GLDC: variants seen among roughly 807,000 people sequenced by gnomAD.
The protein encoded by GLDC is glycine decarboxylase.
A neutral mutation model predicts 121.3 loss-of-function variants in GLDC; 104 were observed. That is an observed-to-expected ratio of 0.86 (90% CI 0.73 to 1.01). GLDC has a LOEUF of 1.01. Among genes scored for constraint, GLDC ranks in the 50% least tolerant of loss-of-function variants. The pLI is 0.00. For missense variants in GLDC, 1,429 were observed against 1,306.6 expected, an observed-to-expected ratio of 1.09 and a Z score of -1.44; for synonymous variants, 546 against 480.6, an observed-to-expected ratio of 1.14 and a Z score of -1.78.
chr9:6,632,313 T>G (rs567580004), intron 2 of GLDC, among the ~76,000 whole-genome samples: 190 of 152,298 alleles, frequency 1.2e-3, no homozygotes, highest in African/African-American at 4.5e-3. Context: ...CAGAGAAACA[T>G]TTATCAGTGG....
intron 24 of GLDC, among the ~76,000 whole-genome samples, chr9:6,533,798 TG>T (rs1817051323): frequency 6.6e-6 from 1 of 150,692 alleles, no homozygotes; most frequent in Non-Finnish European, 1.5e-5. Flanking sequence ...GCAGAGGTTG[TG>T]GTGAGCCGAG....
chr9:6,622,388 C>G (rs1477947365), intron 2 of GLDC, among the ~76,000 whole-genome samples: 2 of 142,548 alleles, frequency 1.4e-5, no homozygotes, highest in Admixed American at 6.9e-5. Context: ...ATTGCAGGCA[C>G]GCGCCGCCAC....
intron 15 of GLDC, among the ~76,000 whole-genome samples, chr9:6,573,997 TAAAATC>T (rs1818014624): frequency 6.6e-6 from 1 of 152,212 alleles, no homozygotes. Context: ...TCTATGGATT[TAAAATC>T]AAAACCCCTC....
intron 2 of GLDC, among the ~76,000 whole-genome samples, chr9:6,626,873 C>T (rs1394265698): frequency 2.0e-5 from 3 of 152,162 alleles, no homozygotes; most frequent in Non-Finnish European, 4.4e-5. Context: ...AGAGAAGATG[C>T]CACATTAGAC....
intron 2 of GLDC, among the ~76,000 whole-genome samples, chr9:6,636,911 C>T (rs1484639212): frequency 6.6e-6 from 1 of 151,462 alleles, no homozygotes; most frequent in Non-Finnish European, 1.5e-5. Context: ...CGGTGAAAGC[C>T]CATCTCAACT....
chr9:6,582,287 G>A (rs1441182465), intron 15 of GLDC, among the ~76,000 whole-genome samples: 1 of 151,600 alleles, frequency 6.6e-6, no homozygotes, highest in African/African-American at 2.4e-5. Flanking sequence ...GGGAGGCCGA[G>A]GTGGGCAGAT....
At chr9:6,615,845 C>T (rs566822803) in intron 3 of GLDC, among the ~76,000 whole-genome samples, 2 of 152,256 alleles carry the variant, frequency 1.3e-5, no homozygotes, top group East Asian at 3.9e-4. Flanking sequence ...AACACCTGAC[C>T]TCAAGTGATC....
intron 2 of GLDC, 117 bp from the exon 3 acceptor site, chr9:6,620,436 G>C: frequency 2.3e-6 from 2 of 879,468 alleles, no homozygotes; most frequent in East Asian, 2.6e-5. Flanking sequence ...TATGGAAAAT[G>C]TAAGAGTCAT....
chr9:6,639,888 C>T (rs185493495), intron 2 of GLDC, among the ~76,000 whole-genome samples: 1 of 152,052 alleles, frequency 6.6e-6, no homozygotes, highest in Non-Finnish European at 1.5e-5. Context: ...ATCCAGGAAA[C>T]CGAACAACAA....
At chr9:6,600,488 C>A (rs1232418883) in intron 8 of GLDC, among the ~76,000 whole-genome samples, 7 of 151,856 alleles carry the variant, frequency 4.6e-5, no homozygotes, top group Non-Finnish European at 8.8e-5. Context: ...ACCAGCCTGG[C>A]CAACATGATG....
chr9:6,555,172 G>C (rs17499965), intron 18 of GLDC, among the ~76,000 whole-genome samples: 41,688 of 152,092 alleles, frequency 0.27, 6,268 homozygotes, highest in South Asian at 0.35. Flanking sequence ...CTTCCCCTGC[G>C]TGGTCGGCTT....
intron 15 of GLDC, among the ~76,000 whole-genome samples, chr9:6,581,392 T>C (rs1818168332): frequency 6.6e-6 from 1 of 152,222 alleles, no homozygotes; most frequent in African/African-American, 2.4e-5. Flanking sequence ...TTCTCCACTG[T>C]GCTTTCCGGG....
At chr9:6,562,609 G>A (rs912378376) in intron 16 of GLDC, among the ~76,000 whole-genome samples, 6 of 152,112 alleles carry the variant, frequency 3.9e-5, no homozygotes, top group Non-Finnish European at 8.8e-5. Flanking sequence ...GCCCAGGCTG[G>A]AGTGCAGTGG....
intron 2 of GLDC, among the ~76,000 whole-genome samples, chr9:6,627,211 G>A (rs1020193270): frequency 2.7e-5 from 4 of 150,618 alleles, no homozygotes; most frequent in East Asian, 1.9e-4. Context: ...CAGGAGAATG[G>A]CGTGAACCCA....
chr9:6,627,317 C>T (rs191863820), intron 2 of GLDC, among the ~76,000 whole-genome samples: 88 of 137,196 alleles, frequency 6.4e-4, no homozygotes, highest in Middle Eastern at 3.8e-3. Context: ...AAAAAAAAGG[C>T]AAACTAGCTT....
At chr9:6,585,638 C>A (rs1383847091) in intron 15 of GLDC, among the ~76,000 whole-genome samples, 1 of 152,094 alleles carries the variant, frequency 6.6e-6, no homozygotes, top group African/African-American at 2.4e-5. Flanking sequence ...GAAGGTAGGG[C>A]ATCTTGAAAC....
intron 3 of GLDC, among the ~76,000 whole-genome samples, chr9:6,616,153 G>C (rs1818963670): frequency 6.6e-6 from 1 of 151,988 alleles, no homozygotes; most frequent in Non-Finnish European, 1.5e-5. Context: ...AGTTTTTTTC[G>C]TTTTCATCTT....
At chr9:6,580,048 C>T (rs1039904380) in intron 15 of GLDC, among the ~76,000 whole-genome samples, 1 of 152,172 alleles carries the variant, frequency 6.6e-6, no homozygotes, top group African/African-American at 2.4e-5. Flanking sequence ...CTCAGAACTA[C>T]GGAAGACCTG....
At chr9:6,642,776 T>G (rs940108180) in intron 2 of GLDC, among the ~76,000 whole-genome samples, 1 of 152,168 alleles carries the variant, frequency 6.6e-6, no homozygotes, top group Non-Finnish European at 1.5e-5. Context: ...ATTCCCTGAC[T>G]TTGAAAGTCT....
Sources: allele counts gnomAD v4.1 joint callset (sites outside exome capture counted in the v4.1 genomes callset), GRCh38; gene constraint gnomAD v4.1.1; transcripts MANE v1.5; gene names NCBI Gene and HGNC (gene_info 2026-07-23, HGNC 2026-07-21).